Variants in KAZN observed in about 807,000 individuals in gnomAD.
The protein encoded by KAZN is kazrin.
Under a neutral mutation model 87.4 loss-of-function variants are expected in KAZN, and 40 were observed. The ratio of observed to expected loss-of-function variants is 0.46; its 90% CI spans 0.36 to 0.60. KAZN has a LOEUF of 0.60. Among genes scored for constraint, KAZN ranks in the 20% least tolerant of loss-of-function variants. The pLI is 0.00. For missense variants in KAZN, 898 were observed against 1,073.9 expected, an observed-to-expected ratio of 0.84 and a Z score of 2.29; for synonymous variants, 466 against 458.3, an observed-to-expected ratio of 1.02 and a Z score of -0.22.
rs576568286 is a variant in KAZN, at chr1:14,798,900, A to G, written c.227-161784A>G. On this transcript the variant is annotated intron_variant, in intron 1 of 14. Transcript: ENST00000376030. ...CTCAGCCTCCCAAGTAGCTGGGACTACAGGCAAGTGCCACCACGCCCAGCC... is the reference window on the plus strand; with the variant it reads ...CTCAGCCTCCCAAGTAGCTGGGACTGCAGGCAAGTGCCACCACGCCCAGCC... Among the ~76,000 whole-genome samples, 30 of 152,310 alleles carry G rather than the reference A, an allele frequency of 2.0e-4. No individual in the cohort carries two copies. The South Asian group carries it at 5.4e-3, about 27-fold the overall frequency.
intron 1 of KAZN, among the ~76,000 whole-genome samples, chr1:14,922,326 TTCTCCGCTCTC>T (rs1658611531): frequency 6.6e-6 from 1 of 152,172 alleles, no homozygotes; most frequent in African/African-American, 2.4e-5. Context: ...CATTCCTAGC[TTCTCCGCTCTC>T]GGGTGCTCAG....
At chr1:14,642,837 G>C (rs1273914930) in intron 1 of KAZN, among the ~76,000 whole-genome samples, 3 of 151,822 alleles carry the variant, frequency 2.0e-5, no homozygotes, top group Non-Finnish European at 2.9e-5. Context: ...AAAATATAAG[G>C]GTTTAAAAAA....
chr1:14,049,180 C>A (rs1642202806), intron 1 of KAZN, among the ~76,000 whole-genome samples: 1 of 152,108 alleles, frequency 6.6e-6, no homozygotes, highest in Non-Finnish European at 1.5e-5. Context: ...ATGGATGAAG[C>A]TGGAAACCAT....
At chr1:14,737,927 T>C (rs759170613) in intron 1 of KAZN, among the ~76,000 whole-genome samples, 2 of 152,176 alleles carry the variant, frequency 1.3e-5, no homozygotes, top group African/African-American at 2.4e-5. Context: ...GGATGCTTTT[T>C]TTAAATAAAG....
chr1:14,267,698 G>A (rs1651601952), intron 2 of KAZN, among the ~76,000 whole-genome samples: 1 of 152,108 alleles, frequency 6.6e-6, no homozygotes, highest in African/African-American at 2.4e-5. Context: ...ATGTGTGCAG[G>A]CACTCACGCC....
intron 1 of KAZN, among the ~76,000 whole-genome samples, chr1:14,827,273 C>T (rs954023625): frequency 6.6e-5 from 10 of 152,054 alleles, no homozygotes; most frequent in South Asian, 6.2e-4. Flanking sequence ...TTAAACTTTC[C>T]GTAAGTGTTT....
intron 1 of KAZN, among the ~76,000 whole-genome samples, chr1:14,680,080 ATC>A (rs2148757487): frequency 6.6e-6 from 1 of 152,222 alleles, no homozygotes; most frequent in South Asian, 2.1e-4. Context: ...CTAAACCAGA[ATC>A]TCTCTGGGAG....
chr1:14,684,052 T>C (rs1572217282), intron 1 of KAZN, among the ~76,000 whole-genome samples: 1 of 152,320 alleles, frequency 6.6e-6, no homozygotes, highest in African/African-American at 2.4e-5. Context: ...GAGGCTGTCT[T>C]GGGCTTGGGC....
chr1:13,945,583 G>A (rs943883738), intron 1 of KAZN, among the ~76,000 whole-genome samples: 6 of 150,942 alleles, frequency 4.0e-5, no homozygotes, highest in African/African-American at 1.5e-4. Flanking sequence ...ATATAGCAAT[G>A]AATGGTAAAA....
intron 2 of KAZN, among the ~76,000 whole-genome samples, chr1:14,241,148 T>C (rs1023641751): frequency 2.0e-5 from 3 of 152,338 alleles, no homozygotes; most frequent in Non-Finnish European, 2.9e-5. Context: ...CTTATCTTGT[T>C]GATGGTCCCA....
intron 1 of KAZN, among the ~76,000 whole-genome samples, chr1:14,854,045 G>A (rs780718181): frequency 6.6e-6 from 1 of 152,192 alleles, no homozygotes; most frequent in Non-Finnish European, 1.5e-5. Context: ...ACTGCATGTG[G>A]AAGACCCTTT....
chr1:14,133,428 AG>A (rs1645041269), intron 1 of KAZN, among the ~76,000 whole-genome samples: 1 of 149,318 alleles, frequency 6.7e-6, no homozygotes, highest in Non-Finnish European at 1.5e-5. Context: ...AAAGAAAGAA[AG>A]AAAGAAAGAA....
intron 1 of KAZN, among the ~76,000 whole-genome samples, chr1:14,629,981 C>T (rs1415783772): frequency 6.6e-6 from 1 of 151,476 alleles, no homozygotes; most frequent in Non-Finnish European, 1.5e-5. Context: ...TTGCCAATTC[C>T]CATGGTGTAA....
At chr1:15,073,858 C>T (rs61772200) in intron 8 of KAZN, among the ~76,000 whole-genome samples, 17,915 of 152,194 alleles carry the variant, frequency 0.12, 1,126 homozygotes, top group East Asian at 0.25. Flanking sequence ...GAGCCCTAAA[C>T]TGGGGGCAAG....
intron 2 of KAZN, among the ~76,000 whole-genome samples, chr1:14,530,290 A>T (rs573262233): frequency 2.6e-4 from 40 of 152,240 alleles, no homozygotes; most frequent in Non-Finnish European, 4.8e-4. Context: ...AGCCCGCTCT[A>T]ATCCAGGAGA....
chr1:14,923,762 C>T lies in KAZN; in HGVS notation c.227-36922C>T, dbSNP rs913314567. Among the ~76,000 whole-genome samples the T allele has an allele frequency of 1.3e-5, 2 of 152,208 alleles. No individual in the cohort carries two copies. The highest frequency in any genetic ancestry group is 4.8e-5 in the African/African-American group (2 of 41,458). ...CCCCTGCCCGCCCACTCCTTCTGAC[C>T]TCTCCCGGTCAGCTGTGGGGACCTC... On this transcript the variant is annotated intron_variant, in intron 1 of 14. Transcript: ENST00000376030. The surrounding 1 kb of genome is among the most constrained non-coding windows in gnomAD (Gnocchi z 4.2).
intron 1 of KAZN, among the ~76,000 whole-genome samples, chr1:14,918,543 G>C (rs974154858): frequency 2.0e-5 from 3 of 151,604 alleles, no homozygotes; most frequent in Admixed American, 6.6e-5. Context: ...GGACGTGGTA[G>C]CACATGCCTG....
intron 2 of KAZN, among the ~76,000 whole-genome samples, chr1:14,344,497 T>A (rs966017548): frequency 6.6e-6 from 1 of 152,132 alleles, no homozygotes; most frequent in Non-Finnish European, 1.5e-5. Flanking sequence ...CTGGTTTAGG[T>A]GTTGGGGACA....
rs139079524 is a variant in KAZN, at chr1:15,052,517, G to A, written c.727-3574G>A. Among the ~76,000 whole-genome samples the A allele has an allele frequency of 7.9e-3, 1,208 of 152,070 alleles. 7 individuals are homozygous for A. Among genetic ancestry groups the A allele is most frequent in the South Asian group, 0.025 (119 of 4,812 alleles). On this transcript the variant is annotated intron_variant, in intron 4 of 14. Coordinates refer to ENST00000376030, the MANE Select transcript of KAZN (RefSeq NM_201628.3). ...AAGATGAGATTTGGATGGGGACACA[G>A]CCAAACCATATCAGTGCATATACAT...
Sources: gnomAD v4.1 joint callset for allele counts (sites outside exome capture counted in the v4.1 genomes callset) on GRCh38, gnomAD v4.1.1 for gene constraint, Gnocchi (gnomAD v3.1) non-coding constraint, MANE v1.5 for transcripts, NCBI Gene and HGNC (gene_info 2026-07-23, HGNC 2026-07-21) for gene names.